EGFR: variants seen among roughly 807,000 people sequenced by gnomAD.
EGFR encodes the protein epidermal growth factor receptor.
A neutral mutation model predicts 143.0 loss-of-function variants in EGFR; 58 were observed. The observed-to-expected ratio is 0.41, with a 90% CI of 0.33 to 0.50. The LOEUF is 0.50. EGFR is among the 20% of genes least tolerant of loss of function. EGFR has a pLI of 0.39. For synonymous variants in EGFR, 613 were observed against 594.4 expected (o/e 1.03, Z -0.45); for missense variants, 1,307 against 1,579.0 (o/e 0.83, Z 2.92).
intron 11 of EGFR, among the ~76,000 whole-genome samples, chr7:55,158,172 A>T (rs1785523554): frequency 6.6e-6 from 1 of 152,248 alleles, no homozygotes; most frequent in Admixed American, 6.5e-5. Flanking sequence ...AATTGAGGTT[A>T]TGCACATCTT....
At position 55,156,781 on chromosome 7, in the gene EGFR, C is replaced by A. The variant is rs2128938705; in HGVS notation, c.1156C>A (p.Pro386Thr). ...FRGDSFTHTP[P>T]LDPQELDILK... ...CAGTGACTCCTTCACACATACTCCT[C>A]CTCTGGATCCACAGGAACTGGATAT... The change falls in exon 10 of 28, where the codon CCT (proline) becomes ACT (threonine). Residue 386 changes from proline to threonine, a missense_variant. By Grantham distance (38) the Pro-to-Thr change is conservative. Around this residue, in one of 7 missense-constraint regions of EGFR, gnomAD observed 250 missense variants for 295.1 expected, o/e 0.85. Transcript: ENST00000275493. The A allele has an allele frequency of 1.2e-6, 2 of 1,614,200 alleles. No individual in the cohort carries two copies. The highest frequency in any genetic ancestry group is 1.7e-6 in the Non-Finnish European group (2 of 1,180,042).
chr7:55,181,252 A>C, intron 19 of EGFR, 41 bp from the exon 20 acceptor site: 1 of 1,611,876 alleles, frequency 6.2e-7, no homozygotes, highest in South Asian at 1.1e-5. Flanking sequence ...CCTTCTGGCC[A>C]CCATGCGAAG....
At chr7:55,144,432 G>A (rs370159135) in intron 3 of EGFR, among the ~76,000 whole-genome samples, 1 of 152,220 alleles carries the variant, frequency 6.6e-6, no homozygotes, top group Admixed American at 6.5e-5. Context: ...CTGCCCCAGG[G>A]CGCTCAACGC....
At chr7:55,127,046 G>A (rs1793567100) in intron 1 of EGFR, among the ~76,000 whole-genome samples, 1 of 152,172 alleles carries the variant, frequency 6.6e-6, no homozygotes, top group Admixed American at 6.5e-5. Flanking sequence ...GAAAACTAAT[G>A]TACCATCTAG....
intron 1 of EGFR, among the ~76,000 whole-genome samples, chr7:55,102,724 T>C (rs139017767): frequency 3.6e-4 from 55 of 152,342 alleles, no homozygotes; most frequent in African/African-American, 1.1e-3. Flanking sequence ...GTATAATGTG[T>C]ATGTTTATCT....
intron 17 of EGFR, 141 bp from the exon 18 acceptor site, chr7:55,173,780 A>G: frequency 1.5e-6 from 2 of 1,344,016 alleles, no homozygotes; most frequent in Non-Finnish European, 2.1e-6. Context: ...TTGTCCTTCC[A>G]AATGAGCTGG....
At chr7:55,193,619 C>T (rs1787496175) in intron 22 of EGFR, among the ~76,000 whole-genome samples, 1 of 152,200 alleles carries the variant, frequency 6.6e-6, no homozygotes, top group Admixed American at 6.5e-5. Context: ...AGGCTGGAAC[C>T]CATGAACCTA....
chr7:55,082,819 T>A (rs1433492366), intron 1 of EGFR, among the ~76,000 whole-genome samples: 1 of 152,154 alleles, frequency 6.6e-6, no homozygotes, highest in African/African-American at 2.4e-5. Flanking sequence ...AAGCCAGAAG[T>A]CCAAAATCAA....
chr7:55,160,040 G>A, intron 11 of EGFR, 99 bp from the exon 12 acceptor site: 1 of 1,290,702 alleles, frequency 7.7e-7, no homozygotes, highest in Non-Finnish European at 1.1e-6. Context: ...TTGGAAAGCA[G>A]TTTGTAGTCA....
Position 55,019,083 on chromosome 7 carries a change from C to G in EGFR, c.-195C>G. 3.3e-6 allele frequency: 1 copy of G among 303,556 alleles called. No homozygotes were observed. Among genetic ancestry groups the G allele is most frequent in the South Asian group, 1.4e-4 (1 of 7,350 alleles). 18.8% of individuals were successfully genotyped at this position (303,556 alleles called of 1,614,324 possible). ...CTCCGCCCCCCGCACGGTGTGAGCG[C>G]CCGACGCGGCCGAGGCGGCCGGAGT... On this transcript the variant is annotated 5_prime_UTR_variant, in exon 1 of 28. Coordinates refer to ENST00000275493, the MANE Select transcript of EGFR (RefSeq NM_005228.5).
chr7:55,170,158 A>G, intron 15 of EGFR: 1 of 1,394,166 alleles, frequency 7.2e-7, no homozygotes, highest in African/African-American at 1.4e-5. Context: ...GAAAAGAGGG[A>G]GCACCCAGAC....
chr7:55,023,424 C>T (rs1269044616), intron 1 of EGFR, among the ~76,000 whole-genome samples: 2 of 152,054 alleles, frequency 1.3e-5, no homozygotes, highest in African/African-American at 2.4e-5. Flanking sequence ...CCGAGGCAGG[C>T]GAATCATGAA....
intron 1 of EGFR, among the ~76,000 whole-genome samples, chr7:55,045,305 A>G (rs1788126051): frequency 6.6e-6 from 1 of 152,246 alleles, no homozygotes; most frequent in South Asian, 2.1e-4. Flanking sequence ...GTATAAATTA[A>G]TAAGTTTTAG....
intron 1 of EGFR, among the ~76,000 whole-genome samples, chr7:55,133,599 C>T (rs1020472845): frequency 6.6e-6 from 1 of 152,242 alleles, no homozygotes; most frequent in Non-Finnish European, 1.5e-5. Context: ...TCTGAGCTCA[C>T]CTTTGGTGAT....
intron 1 of EGFR, among the ~76,000 whole-genome samples, chr7:55,127,621 T>C (rs1266841875): frequency 1.3e-5 from 2 of 152,214 alleles, no homozygotes; most frequent in Admixed American, 6.5e-5. Flanking sequence ...AGAAATTAGC[T>C]GAGTAGAAGG....
Position 55,152,670 on chromosome 7 carries a change from A to G in EGFR, c.747+6A>G, listed in dbSNP as rs376868785. On this transcript the variant is annotated splice_donor_region_variant and intron_variant, in intron 6 of 27. Coordinates refer to ENST00000275493, the MANE Select transcript of EGFR (RefSeq NM_005228.5). ...CCCGGGAGAGCGACTGCCTGGTAAG[A>G]TGCCCCTCCAGCAGCCTCCCTGGAG... is the stretch of plus-strand genomic sequence containing the variant. 3.1e-5 allele frequency: 50 copies of G among 1,612,452 alleles called. No homozygotes were observed. Among genetic ancestry groups the G allele is most frequent in the Non-Finnish European group, 3.1e-5 (37 of 1,179,348 alleles).
intron 1 of EGFR, among the ~76,000 whole-genome samples, chr7:55,092,425 C>T (rs1034621731): frequency 2.0e-5 from 3 of 152,178 alleles, no homozygotes; most frequent in African/African-American, 7.2e-5. Flanking sequence ...TAAGTGGCCA[C>T]ATTCAGGCTC....
At chr7:55,059,030 G>A (rs1274014175) in intron 1 of EGFR, among the ~76,000 whole-genome samples, 1 of 152,230 alleles carries the variant, frequency 6.6e-6, no homozygotes, top group Non-Finnish European at 1.5e-5. Flanking sequence ...TGGACCTGGT[G>A]TTGGGGTTTC....
intron 1 of EGFR, among the ~76,000 whole-genome samples, chr7:55,039,927 C>T (rs1284526703): frequency 2.0e-5 from 3 of 152,240 alleles, no homozygotes; most frequent in Non-Finnish European, 4.4e-5. Flanking sequence ...TAATTAAACA[C>T]TGAAGCAGTA....
Sources: allele counts gnomAD v4.1 joint callset (sites outside exome capture counted in the v4.1 genomes callset), GRCh38; gene constraint gnomAD v4.1.1; regional missense constraint gnomAD v4.1.1; transcripts MANE v1.5; gene names NCBI Gene and HGNC (gene_info 2026-07-23, HGNC 2026-07-21).